Variants in ARHGAP42 observed in about 807,000 individuals in gnomAD.
ARHGAP42 encodes the protein Rho GTPase activating protein 42, also known as rho GTPase-activating protein 42.
Under a neutral mutation model 125.0 loss-of-function variants are expected in ARHGAP42, and 63 were observed. The observed-to-expected ratio is 0.50, with a 90% confidence interval of 0.41 to 0.62. The LOEUF is 0.62. ARHGAP42 is among the 20% of genes least tolerant of loss of function. ARHGAP42 has a pLI of 0.00. For missense variants in ARHGAP42, 766 were observed against 1,024.2 expected (o/e 0.75, Z 3.44); for synonymous variants, 339 against 351.0 (o/e 0.97, Z 0.38).
In ARHGAP42 at chr11:100,976,158, T is replaced by C; in HGVS notation, c.1957T>C (p.Cys653Arg). The change falls in exon 20 of 24, where the codon TGC (cysteine) becomes CGC (arginine). Residue 653 changes from cysteine to arginine, a missense_variant. Around this residue, in one of 3 missense-constraint regions of ARHGAP42, gnomAD observed 308 missense variants for 369.7 expected, o/e 0.83. Coordinates refer to ENST00000298815, the MANE Select transcript of ARHGAP42 (RefSeq NM_152432.4). ...EQNSTTKSAS[C>R]QPREKSGGIP... ...AAATAGCACTACAAAGTCAGCTTCC[T>C]GCCAGCCCAGGGAGAAATCTGGAGG... 1.3e-6 allele frequency: 2 copies of C among 1,551,728 alleles called. No individual in the cohort carries two copies. Among genetic ancestry groups the C allele is most frequent in the Non-Finnish European group, 1.7e-6 (2 of 1,146,888 alleles).
At chr11:100,775,678 T>C (rs1863101785) in intron 2 of ARHGAP42, among the ~76,000 whole-genome samples, 1 of 152,230 alleles carries the variant, frequency 6.6e-6, no homozygotes, top group Non-Finnish European at 1.5e-5. Context: ...TTAGCTGCAT[T>C]GATTTAGCAC....
At chr11:100,754,798 T>G (rs1159089443) in intron 1 of ARHGAP42, among the ~76,000 whole-genome samples, 1 of 152,334 alleles carries the variant, frequency 6.6e-6, no homozygotes, top group East Asian at 1.9e-4. Context: ...ATTCTGTTAA[T>G]GACGAGCCAA....
intron 3 of ARHGAP42, among the ~76,000 whole-genome samples, chr11:100,842,029 C>T (rs1864956872): frequency 1.3e-5 from 2 of 152,186 alleles, no homozygotes; most frequent in South Asian, 2.1e-4. Context: ...GATTGAGTTA[C>T]AGGCATTAAT....
chr11:100,814,115 C>T (rs1391321988), intron 3 of ARHGAP42, among the ~76,000 whole-genome samples: 1 of 151,902 alleles, frequency 6.6e-6, no homozygotes, highest in East Asian at 1.9e-4. Flanking sequence ...ATTGCTTGAA[C>T]CAGGGAGGCA....
At chr11:100,816,331 G>C (rs660338) in intron 3 of ARHGAP42, among the ~76,000 whole-genome samples, 1 of 150,288 alleles carries the variant, frequency 6.7e-6, no homozygotes, top group East Asian at 1.9e-4. Flanking sequence ...GTTTTTTTTT[G>C]ATAGTAGCCA....
chr11:100,865,655 A>G (rs143947702), intron 4 of ARHGAP42, among the ~76,000 whole-genome samples: 2 of 152,308 alleles, frequency 1.3e-5, no homozygotes, highest in Admixed American at 6.5e-5. Context: ...CATATTTTTT[A>G]TTTCTTAGAG....
intron 3 of ARHGAP42, among the ~76,000 whole-genome samples, chr11:100,835,742 A>G (rs1276421245): frequency 6.6e-6 from 1 of 152,006 alleles, no homozygotes; most frequent in African/African-American, 2.4e-5. Context: ...TCATTTGGTT[A>G]TAAGTAATAT....
chr11:100,977,403 C>T (rs925402459), intron 21 of ARHGAP42, among the ~76,000 whole-genome samples: 3 of 152,114 alleles, frequency 2.0e-5, no homozygotes, highest in Admixed American at 6.6e-5. Context: ...ATCCTACGCC[C>T]GCATACCTGA....
intron 17 of ARHGAP42, 35 bp from the exon 18 acceptor site, chr11:100,973,140 T>A: frequency 1.4e-6 from 2 of 1,475,488 alleles, no homozygotes; most frequent in Non-Finnish European, 1.8e-6. Flanking sequence ...TTGAAACATA[T>A]AACTTAAGAT....
intron 12 of ARHGAP42, among the ~76,000 whole-genome samples, chr11:100,953,047 T>C (rs569004968): frequency 1.9e-4 from 29 of 152,306 alleles, no homozygotes; most frequent in African/African-American, 7.0e-4. Context: ...GTGAGCTCAT[T>C]GTGTTAAGTG....
In ARHGAP42 at chr11:100,948,610, G is replaced by A. The variant is rs117118852; in HGVS notation, c.1122+75G>A. 1.4e-3 allele frequency: 1,603 copies of A among 1,174,766 alleles called. 33 individuals carry two copies. In the East Asian group the frequency reaches 0.04, roughly 29 times the overall value. 72.8% of individuals were successfully genotyped at this position (1,174,766 alleles called of 1,614,324 possible). A position where few individuals can be genotyped will look rare whatever the true frequency, so the allele number is the denominator to read the frequency against. On this transcript the variant is annotated intron_variant, in intron 11 of 23. Coordinates refer to ENST00000298815, the MANE Select transcript of ARHGAP42 (RefSeq NM_152432.4). Reference sequence around the variant, plus strand: ...ATAATGTATGGAAATTCTTTTCATAGTATACAATGTTTTGCCTGTAGTATA... The same window carrying A: ...ATAATGTATGGAAATTCTTTTCATAATATACAATGTTTTGCCTGTAGTATA...
intron 6 of ARHGAP42, among the ~76,000 whole-genome samples, chr11:100,924,015 C>T (rs546060742): frequency 6.6e-6 from 1 of 152,210 alleles, no homozygotes; most frequent in Admixed American, 6.5e-5. Context: ...CTCCCAGGAG[C>T]TATAAACATA....
chr11:100,867,000 T>A (rs1943501), intron 4 of ARHGAP42, among the ~76,000 whole-genome samples: 117,191 of 152,044 alleles, frequency 0.77, 45,557 homozygotes, highest in East Asian at 0.96. Flanking sequence ...TACTATATTT[T>A]AAGGAACCTT....
In ARHGAP42 at chr11:100,960,932, C is replaced by G; in HGVS notation, c.1243C>G (p.Leu415Val). 5 of 1,535,168 alleles carry G rather than the reference C, an allele frequency of 3.3e-6. No individual in the cohort carries two copies. The highest frequency in any genetic ancestry group is 4.4e-6 in the Non-Finnish European group (5 of 1,138,828). ...VETRGITILG[L>V]YRIGGVNSKV... ...CCTATTAGGTATCACCATTTTAGGA[C>G]TCTACCGAATAGGAGGAGTGAACTC... is the stretch of plus-strand genomic sequence containing the variant. Residue 415 changes from leucine (L) to valine (V), a missense_variant, in exon 14 of 24, where the codon CTC becomes GTC. Leu to Val is a conservative substitution (Grantham distance 32). Transcript: ENST00000298815.
intron 13 of ARHGAP42, among the ~76,000 whole-genome samples, chr11:100,960,245 C>T (rs948150025): frequency 1.9e-4 from 23 of 122,484 alleles, no homozygotes; most frequent in African/African-American, 7.1e-4. Flanking sequence ...TTTTTTTTTC[C>T]AAGCATTAAG....
intron 1 of ARHGAP42, among the ~76,000 whole-genome samples, chr11:100,712,795 A>AT (rs540896896): frequency 3.8e-4 from 58 of 151,952 alleles, no homozygotes; most frequent in Middle Eastern, 3.4e-3. Context: ...CTTTAACTAC[A>AT]TTTTTTTTCA....
intron 10 of ARHGAP42, among the ~76,000 whole-genome samples, chr11:100,945,465 G>T (rs1475583915): frequency 2.0e-5 from 3 of 152,064 alleles, no homozygotes; most frequent in African/African-American, 4.8e-5. Context: ...TCCATTAGAG[G>T]AATCACTACT....
intron 4 of ARHGAP42, among the ~76,000 whole-genome samples, chr11:100,889,332 G>A (rs572142082): frequency 3.3e-5 from 5 of 152,270 alleles, no homozygotes; most frequent in African/African-American, 1.2e-4. Context: ...ATGGATTAAT[G>A]CCATAATGAA....
chr11:100,889,619 C>T (rs1295061344), intron 4 of ARHGAP42, among the ~76,000 whole-genome samples: 2 of 152,172 alleles, frequency 1.3e-5, no homozygotes, highest in Non-Finnish European at 2.9e-5. Flanking sequence ...CATCTTAGCA[C>T]ATTTAATAAG....
Sources: gnomAD v4.1 joint callset for allele counts (sites outside exome capture counted in the v4.1 genomes callset) on GRCh38, gnomAD v4.1.1 for gene constraint, gnomAD v4.1.1 regional missense constraint, MANE v1.5 for transcripts, NCBI Gene and HGNC (gene_info 2026-07-23, HGNC 2026-07-21) for gene names.